Variants in ARHGEF3 observed in about 807,000 individuals in gnomAD.
The protein encoded by ARHGEF3 is 59.8 kDA protein.
ARHGEF3 carries 28 observed loss-of-function variants against 63.2 expected under a neutral mutation model. That is an observed-to-expected ratio of 0.44 (90% CI 0.33 to 0.61). The LOEUF is 0.61. Among genes scored for constraint, ARHGEF3 ranks in the 20% least tolerant of loss-of-function variants. The probability of loss-of-function intolerance (pLI) is 0.03; values close to 1 mark genes in which losing one functional copy is unlikely to be tolerated. For missense variants in ARHGEF3, 533 were observed against 659.3 expected (o/e 0.81, Z 2.10); for synonymous variants, 266 against 254.2 (o/e 1.05, Z -0.44).
At chr3:56,771,400 A>G (rs980591816) in intron 2 of ARHGEF3, among the ~76,000 whole-genome samples, 1 of 152,240 alleles carries the variant, frequency 6.6e-6, no homozygotes, top group Non-Finnish European at 1.5e-5. Flanking sequence ...ATGGTAACAG[A>G]TCTTAAAGCA....
At chr3:56,743,877 C>T (rs1182049496) in intron 7 of ARHGEF3, among the ~76,000 whole-genome samples, 4 of 152,118 alleles carry the variant, frequency 2.6e-5, no homozygotes, top group African/African-American at 9.7e-5. Flanking sequence ...GCATCCCTAT[C>T]ACCAGTCTCT....
chr3:57,048,606 G>A (rs1704556602), intron 1 of ARHGEF3, among the ~76,000 whole-genome samples: 1 of 152,170 alleles, frequency 6.6e-6, no homozygotes, highest in African/African-American at 2.4e-5. Flanking sequence ...TGCTCTCGGG[G>A]TAGGAGCAGC....
At chr3:56,806,679 G>A (rs2037871502), upstream of ARHGEF3, among the ~76,000 whole-genome samples, 1 of 152,162 alleles carries the variant, frequency 6.6e-6, no homozygotes. Flanking sequence ...GCCCACCACT[G>A]GTTATTAGCT....
chr3:56,859,143 T>C (rs2039982295), intron 4 of ARHGEF3, among the ~76,000 whole-genome samples: 1 of 152,128 alleles, frequency 6.6e-6, no homozygotes, highest in South Asian at 2.1e-4. Context: ...GAATAGACTT[T>C]AAGTTGACTG....
In ARHGEF3 at chr3:56,751,331, TC is replaced by T; in HGVS notation, c.503del (p.Gly168GlufsTer6). 6.2e-7 allele frequency: 1 copy of T among 1,614,048 alleles called. No homozygotes were observed. The highest frequency in any genetic ancestry group is 8.5e-7 in the Non-Finnish European group (1 of 1,179,898). On this transcript the variant is annotated frameshift_variant, in exon 5 of 10. Transcript: ENST00000296315. LOFTEE classifies it high-confidence loss of function. The stretch of plus-strand genomic sequence containing the variant: ...GTAGAGGAATTAGAGAGTCCAGTGT[TC>T]CAAAAATTTGATTCAACTCTTGTTC... Reference protein sequence around the residue: ...MTEQELNQIFGTLDSLIPLHE... With the variant: ...MTEQELNQIFXTLDSLIPLHE...
chr3:56,816,594 G>A (rs1223558852), intron 4 of ARHGEF3, among the ~76,000 whole-genome samples: 11 of 152,160 alleles, frequency 7.2e-5, no homozygotes, highest in East Asian at 1.9e-4. Flanking sequence ...GCTGAGAGCC[G>A]AAGAGGTGTT....
chr3:56,969,701 C>G (rs1355925882), intron 2 of ARHGEF3, among the ~76,000 whole-genome samples: 1 of 145,846 alleles, frequency 6.9e-6, no homozygotes, highest in Non-Finnish European at 1.5e-5. Context: ...AACCAGGGAC[C>G]GAGATCGCAC....
At chr3:56,951,344 C>G (rs368714874) in intron 3 of ARHGEF3, among the ~76,000 whole-genome samples, 8 of 151,648 alleles carry the variant, frequency 5.3e-5, no homozygotes, top group African/African-American at 1.9e-4. Context: ...TCAGTAACCA[C>G]CACCCTGATC....
At chr3:56,955,157 G>A (rs1699987354) in intron 3 of ARHGEF3, among the ~76,000 whole-genome samples, 1 of 150,934 alleles carries the variant, frequency 6.6e-6, no homozygotes, top group Non-Finnish European at 1.5e-5. Context: ...CTAGGACATT[G>A]GTGAACAAAC....
At chr3:56,818,876 G>C (rs1390296144) in intron 4 of ARHGEF3, among the ~76,000 whole-genome samples, 1 of 152,078 alleles carries the variant, frequency 6.6e-6, no homozygotes, top group Non-Finnish European at 1.5e-5. Context: ...AAAGGATAAA[G>C]TGCTCCCACA....
chr3:56,986,336 T>C (rs374661443), intron 2 of ARHGEF3, among the ~76,000 whole-genome samples: 2 of 152,328 alleles, frequency 1.3e-5, no homozygotes, highest in African/African-American at 4.8e-5. Context: ...CTCTAGTCTC[T>C]GAGACTGAAG....
chr3:56,862,177 G>C (rs927446586), intron 4 of ARHGEF3, among the ~76,000 whole-genome samples: 3 of 151,786 alleles, frequency 2.0e-5, no homozygotes, highest in African/African-American at 7.3e-5. Context: ...AGGGGAGTGG[G>C]AGGGGGAGCA....
chr3:57,020,113 G>T (rs766822599), intron 2 of ARHGEF3, among the ~76,000 whole-genome samples: 3 of 152,152 alleles, frequency 2.0e-5, no homozygotes, highest in Non-Finnish European at 2.9e-5. Context: ...AGTCAGGCTG[G>T]TCTCAAACTC....
chr3:56,789,158 G>A (rs2107909468), intron 1 of ARHGEF3, among the ~76,000 whole-genome samples: 1 of 152,260 alleles, frequency 6.6e-6, no homozygotes, highest in South Asian at 2.1e-4. Flanking sequence ...ATTTTCAGAT[G>A]AGGAAACTAG....
intron 2 of ARHGEF3, among the ~76,000 whole-genome samples, chr3:56,757,666 T>C (rs2035156480): frequency 6.6e-6 from 1 of 152,082 alleles, no homozygotes; most frequent in Non-Finnish European, 1.5e-5. Flanking sequence ...CACAAAATTC[T>C]ATTGTTGTTT....
At chr3:57,040,376 C>T (rs1301282793) in intron 1 of ARHGEF3, among the ~76,000 whole-genome samples, 1 of 151,994 alleles carries the variant, frequency 6.6e-6, no homozygotes, top group African/African-American at 2.4e-5. Context: ...ACTCTGGAGG[C>T]TGAGGCAGGA....
At chr3:56,955,171 G>C (rs1578942485) in intron 3 of ARHGEF3, among the ~76,000 whole-genome samples, 1 of 149,064 alleles carries the variant, frequency 6.7e-6, no homozygotes, top group East Asian at 2.0e-4. Flanking sequence ...AACAAACACT[G>C]ATCCTTTTTC....
intron 3 of ARHGEF3, among the ~76,000 whole-genome samples, chr3:56,907,594 A>G (rs1337767175): frequency 2.0e-5 from 3 of 152,230 alleles, no homozygotes; most frequent in Non-Finnish European, 4.4e-5. Context: ...ACTATTCACA[A>G]TAGCAAAGAC....
At chr3:56,822,074 T>A (rs2038528294) in intron 4 of ARHGEF3, among the ~76,000 whole-genome samples, 1 of 151,260 alleles carries the variant, frequency 6.6e-6, no homozygotes, top group African/African-American at 2.4e-5. Context: ...AAGAAAAGAT[T>A]TTCAGTGTAG....
Sources: gnomAD v4.1 joint callset for allele counts (sites outside exome capture counted in the v4.1 genomes callset) on GRCh38, gnomAD v4.1.1 for gene constraint, MANE v1.5 for transcripts, NCBI Gene and HGNC (gene_info 2026-07-23, HGNC 2026-07-21) for gene names.